SLC22A9: variants seen among roughly 807,000 people sequenced by gnomAD.
SLC22A9 encodes the protein organic anion transporter 7.
SLC22A9 carries 64 observed loss-of-function variants against 50.1 expected under a neutral mutation model. The ratio of observed to expected loss-of-function variants is 1.28; its 90% CI spans 1.04 to 1.57. SLC22A9 has a LOEUF of 1.57. Among genes scored for constraint, SLC22A9 ranks in the 40% most tolerant of loss-of-function variants. SLC22A9 has a pLI of 0.00. For missense variants in SLC22A9, 757 were observed against 676.1 expected, an observed-to-expected ratio of 1.12 and a Z score of -1.33; for synonymous variants, 261 against 242.5, an observed-to-expected ratio of 1.08 and a Z score of -0.71.
chr11:63,408,384 G>T (rs947440673), intron 8 of SLC22A9, among the ~76,000 whole-genome samples, 164 bp downstream of exon 8: 9 of 152,144 alleles, frequency 5.9e-5, no homozygotes, highest in Non-Finnish European at 1.3e-4. Context: ...CTGACTTTTT[G>T]CCACTGTATT....
At chr11:63,390,673 G>A (rs192954264) in intron 6 of SLC22A9, among the ~76,000 whole-genome samples, 20 of 152,060 alleles carry the variant, frequency 1.3e-4, no homozygotes, top group South Asian at 6.2e-4. Context: ...CTAGCTATAC[G>A]GGCTCTTTTT....
intron 1 of SLC22A9, 148 bp downstream of exon 1, chr11:63,370,606 T>C: frequency 1.1e-6 from 1 of 939,194 alleles, no homozygotes; most frequent in Non-Finnish European, 1.5e-6. Flanking sequence ...ATTAAATGTC[T>C]GACACCTACA....
intron 6 of SLC22A9, among the ~76,000 whole-genome samples, chr11:63,399,228 C>G (rs1193687221): frequency 1.3e-5 from 2 of 152,058 alleles, no homozygotes; most frequent in African/African-American, 4.8e-5. Flanking sequence ...TGTACATGGA[C>G]TAAATTCTCC....
At chr11:63,396,770 T>C (rs2014865653) in intron 6 of SLC22A9, among the ~76,000 whole-genome samples, 1 of 152,184 alleles carries the variant, frequency 6.6e-6, no homozygotes, top group African/African-American at 2.4e-5. Context: ...TTTTTTTCTC[T>C]GTGTTATCTT....
rs748872020 is a variant in SLC22A9, at chr11:63,375,656, A to G, written c.842A>G (p.Glu281Gly). 5 of 1,612,268 alleles carry G rather than the reference A, an allele frequency of 3.1e-6. No individual in the cohort carries two copies. The African/African-American group carries it at 6.7e-5, about 22-fold the overall frequency. ...TCTTCCTTGGTCAGTTGGCTGCTAG[A>G]GTCTGCTCGGTGGCTCATTATCAAC... ...VIFLTSSWLL[E>G]SARWLIINNK... is the part of the protein sequence containing the mutation. The change falls in exon 5 of 10, where the codon GAG becomes GGG. Residue 281 changes from glutamate to glycine, a missense_variant. By Grantham distance (98) the Glu-to-Gly change is moderately conservative. Transcript: ENST00000279178.
chr11:63,405,816 T>C (rs529911958), intron 6 of SLC22A9, among the ~76,000 whole-genome samples: 3 of 152,312 alleles, frequency 2.0e-5, no homozygotes, highest in Non-Finnish European at 4.4e-5. Context: ...AAATTGGCTT[T>C]AGAATACTAA....
chr11:63,373,770 G>A lies in SLC22A9; in HGVS notation c.633G>A (p.Met211Ile), dbSNP rs763519983. 52 of 1,612,260 alleles carry A rather than the reference G, an allele frequency of 3.2e-5. No individual in the cohort carries two copies. Among genetic ancestry groups the A allele is most frequent in the Admixed American group, 3.0e-4 (18 of 59,754 alleles). The part of the protein sequence containing the change: ...SLRFLSGIAA[M>I]SLITNTIMLI... ...GCTTCTTGTCTGGGATTGCTGCAATGAGCCTCATAACAAATACTATTATGT... is the reference window on the plus strand; with the variant it reads ...GCTTCTTGTCTGGGATTGCTGCAATAAGCCTCATAACAAATACTATTATGT... Residue 211 changes from methionine (M) to isoleucine (I), a missense_variant, in exon 3 of 10, where the codon ATG (methionine) becomes ATA (isoleucine). By Grantham distance (10) the Met-to-Ile change is conservative. Coordinates refer to ENST00000279178, the MANE Select transcript of SLC22A9 (RefSeq NM_080866.3).
chr11:63,400,048 T>C (rs2014926677), intron 6 of SLC22A9, among the ~76,000 whole-genome samples: 1 of 152,078 alleles, frequency 6.6e-6, no homozygotes, highest in African/African-American at 2.4e-5. Flanking sequence ...CTAACAGGTA[T>C]GTTTATAGCA....
At chr11:63,382,024 C>T in intron 5 of SLC22A9, 135 bp from the exon 6 acceptor site, 2 of 629,248 alleles carry the variant, frequency 3.2e-6, no homozygotes, top group Non-Finnish European at 5.6e-6. Flanking sequence ...CATATCATTG[C>T]ATTTTAAGGC....
chr11:63,370,805 G>A (rs756755197), intron 1 of SLC22A9, among the ~76,000 whole-genome samples: 1 of 152,148 alleles, frequency 6.6e-6, no homozygotes, highest in Non-Finnish European at 1.5e-5. Flanking sequence ...CATGCCCAGA[G>A]TATACCCTAA....
At chr11:63,392,116 G>A (rs1015542697) in intron 6 of SLC22A9, among the ~76,000 whole-genome samples, 1 of 151,998 alleles carries the variant, frequency 6.6e-6, no homozygotes, top group African/African-American at 2.4e-5. Context: ...TGTCTACACT[G>A]TAACTTTGTC....
intron 6 of SLC22A9, among the ~76,000 whole-genome samples, chr11:63,385,077 G>T (rs2014637828): frequency 7.4e-6 from 1 of 135,320 alleles, no homozygotes; most frequent in African/African-American, 2.8e-5. Context: ...TTCCCACTCT[G>T]TAGCTTGCCT....
At chr11:63,384,060 AAAAAG>A (rs1818649832) in intron 6 of SLC22A9, among the ~76,000 whole-genome samples, 1 of 132,684 alleles carries the variant, frequency 7.5e-6, no homozygotes, top group African/African-American at 2.6e-5. Context: ...AAAAAAAAAA[AAAAAG>A]AGGAACAAAG....
chr11:63,409,283 T>C (rs1450380405), intron 9 of SLC22A9, among the ~76,000 whole-genome samples: 2 of 152,120 alleles, frequency 1.3e-5, no homozygotes, highest in Non-Finnish European at 2.9e-5. Flanking sequence ...AGATTGCCAG[T>C]GCTTACAGGC....
intron 5 of SLC22A9, among the ~76,000 whole-genome samples, chr11:63,377,082 A>T (rs1369121141): frequency 6.6e-6 from 1 of 152,096 alleles, no homozygotes; most frequent in Non-Finnish European, 1.5e-5. Flanking sequence ...GACTTAGATA[A>T]ATCATACAAT....
chr11:63,382,323 A>G (rs1223694940), intron 6 of SLC22A9, 46 bp downstream of exon 6: 7 of 1,373,396 alleles, frequency 5.1e-6, no homozygotes, highest in Non-Finnish European at 7.0e-6. Flanking sequence ...TACTGGAGAC[A>G]TGAATCTTGT....
chr11:63,395,584 C>T (rs762615899), intron 6 of SLC22A9, among the ~76,000 whole-genome samples: 59 of 152,134 alleles, frequency 3.9e-4, no homozygotes, highest in African/African-American at 1.2e-3. Flanking sequence ...ATTGGTCTCT[C>T]GGCCATGGAT....
chr11:63,394,945 A>AT (rs1232085558), intron 6 of SLC22A9, among the ~76,000 whole-genome samples: 2 of 149,332 alleles, frequency 1.3e-5, no homozygotes, highest in East Asian at 2.0e-4. Flanking sequence ...TCATTTATTT[A>AT]TTTTTTTGTC....
chr11:63,400,240 A>G (rs772921734), intron 6 of SLC22A9, among the ~76,000 whole-genome samples: 1 of 152,084 alleles, frequency 6.6e-6, no homozygotes, highest in Non-Finnish European at 1.5e-5. Flanking sequence ...TTTGTGAAAA[A>G]TAAACAACAT....
Sources: gnomAD v4.1 joint callset for allele counts (sites outside exome capture counted in the v4.1 genomes callset) on GRCh38, gnomAD v4.1.1 for gene constraint, MANE v1.5 for transcripts, NCBI Gene and HGNC (gene_info 2026-07-23, HGNC 2026-07-21) for gene names.